The following ATXN10 variants were observed in gnomAD, a reference collection of about 807,000 sequenced individuals.
ATXN10 encodes the protein ataxin 10, also known as ataxin-10.
In ATXN10, 28 loss-of-function variants were observed where a neutral mutation model predicts 52.9. The ratio of observed to expected loss-of-function variants is 0.53; its 90% CI spans 0.39 to 0.73. ATXN10 has a LOEUF of 0.73. Among genes scored for constraint, ATXN10 ranks in the 30% least tolerant of loss-of-function variants. ATXN10 has a pLI of 0.00. For synonymous variants in ATXN10, 226 were observed against 221.5 expected, an observed-to-expected ratio of 1.02 and a Z score of -0.18; for missense variants, 565 against 577.0, an observed-to-expected ratio of 0.98 and a Z score of 0.21.
At chr22:45,807,078 A>C (rs1284810429) in intron 10 of ATXN10, 56 bp downstream of exon 10, 1 of 1,427,534 alleles carries the variant, frequency 7.0e-7, no homozygotes, top group South Asian at 1.1e-5. Context: ...CCTTAGCAAA[A>C]CAAGTCCCTT....
chr22:45,788,938 C>T (rs1483938867), intron 9 of ATXN10, among the ~76,000 whole-genome samples: 1 of 152,152 alleles, frequency 6.6e-6, no homozygotes, highest in African/African-American at 2.4e-5. Flanking sequence ...CATGAGCCAC[C>T]ATGCCCAGCC....
intron 7 of ATXN10, among the ~76,000 whole-genome samples, chr22:45,737,532 C>G (rs570377876): frequency 2.0e-5 from 3 of 151,948 alleles, no homozygotes; most frequent in Non-Finnish European, 4.4e-5. Flanking sequence ...ATTAAAGATC[C>G]AAGACATTAA....
At position 45,693,050 on chromosome 22, in the gene ATXN10, G is replaced by A; in HGVS notation, c.363G>A (p.Leu121=). 1 of 1,614,068 alleles carries A rather than the reference G, an allele frequency of 6.2e-7. No homozygotes were observed. The highest frequency in any genetic ancestry group is 8.5e-7 in the Non-Finnish European group (1 of 1,179,966). ...AVDLILLFRE[L]RVEQESLLTA... ...ATTTGATTCTTCTGTTTCGTGAACTGCGAGTGGAACAGGAATCTCTGTTGA... is the reference window on the plus strand; with the variant it reads ...ATTTGATTCTTCTGTTTCGTGAACTACGAGTGGAACAGGAATCTCTGTTGA... Residue 121 remains leucine, a synonymous_variant, in exon 3 of 12, where the codon CTG becomes CTA. Coordinates refer to ENST00000252934, the MANE Select transcript of ATXN10 (RefSeq NM_013236.4).
intron 10 of ATXN10, among the ~76,000 whole-genome samples, chr22:45,832,998 C>T (rs1929042501): frequency 6.6e-6 from 1 of 152,144 alleles, no homozygotes; most frequent in Non-Finnish European, 1.5e-5. Context: ...GAAGGTTGTC[C>T]TGACTTTAAA....
intron 9 of ATXN10, among the ~76,000 whole-genome samples, chr22:45,746,925 T>C (rs975648001): frequency 2.6e-5 from 4 of 152,200 alleles, no homozygotes; most frequent in African/African-American, 7.2e-5. Context: ...GTGATACACA[T>C]ACGTAAACTG....
At position 45,795,664 on chromosome 22, in the gene ATXN10, T is replaced by C. The variant is rs1293260604; in HGVS notation, c.1174-11295T>C. ...TGAAGCCATGGCAGAAGAACATAAATTGTTAAGATTTCATGGACATTTATT... is the reference window on the plus strand; with the variant it reads ...TGAAGCCATGGCAGAAGAACATAAACTGTTAAGATTTCATGGACATTTATT... On this transcript the variant is annotated intron_variant, in intron 9 of 11. Transcript: ENST00000252934. The surrounding 1 kb of genome is among the most constrained non-coding windows in gnomAD (Gnocchi z 4.6). 6.6e-6 allele frequency among the ~76,000 whole-genome samples: 1 copy of C among 152,142 alleles called. No individual in the cohort carries two copies.
intron 3 of ATXN10, among the ~76,000 whole-genome samples, 185 bp from the exon 4 acceptor site, chr22:45,700,097 C>T (rs1923782406): frequency 6.6e-6 from 1 of 152,210 alleles, no homozygotes; most frequent in South Asian, 2.1e-4. Flanking sequence ...CAGGCGTGAG[C>T]CGCCGCTCCC....
rs1311366328 is a variant in ATXN10, at chr22:45,825,314, C to A, written c.1238-17677C>A. 6.6e-6 allele frequency among the ~76,000 whole-genome samples: 1 copy of A among 152,106 alleles called. No individual in the cohort carries two copies. Among genetic ancestry groups the A allele is most frequent in the African/African-American group, 2.4e-5 (1 of 41,402 alleles). On this transcript the variant is annotated intron_variant, in intron 10 of 11. Transcript: ENST00000252934. The surrounding 1 kb of genome is among the most constrained non-coding windows in gnomAD (Gnocchi z 4.5). Reference sequence around the variant, plus strand: ...ATTTAAAAGGCCAGCACCCTTTTTCCCTCTTCCCTTTATTTTTCTTTTGCA... The same window carrying A: ...ATTTAAAAGGCCAGCACCCTTTTTCACTCTTCCCTTTATTTTTCTTTTGCA...
Position 45,738,801 on chromosome 22 carries a change from A to G in ATXN10, c.965A>G (p.Tyr322Cys). ...ACTGTGAATACTGAGCTGCTCGGCT[A>G]TCTGCAGGTTTTCCCTGGCTTGCTG... is the stretch of plus-strand genomic sequence containing the variant. ...EMTVNTELLG[Y>C]LQVFPGLLER... Residue 322 changes from tyrosine (Y) to cysteine (C), a missense_variant, in exon 8 of 12, where the codon TAT (tyrosine) becomes TGT (cysteine). Coordinates refer to ENST00000252934, the MANE Select transcript of ATXN10 (RefSeq NM_013236.4). 7.4e-6 allele frequency: 12 copies of G among 1,614,162 alleles called. No homozygotes were observed. The highest frequency in any genetic ancestry group is 9.3e-6 in the Non-Finnish European group (11 of 1,179,990).
intron 3 of ATXN10, among the ~76,000 whole-genome samples, chr22:45,697,018 TTTAA>T (rs952279500): frequency 2.0e-5 from 3 of 152,212 alleles, no homozygotes; most frequent in East Asian, 1.9e-4. Flanking sequence ...TTTGTATGAG[TTTAA>T]TTGTTTTTTA....
At position 45,744,518 on chromosome 22, in the gene ATXN10, C is replaced by G. The variant is rs1925654409; in HGVS notation, c.1173+3980C>G. 6.6e-6 allele frequency: 1 copy of G among 152,190 alleles called. No individual in the cohort carries two copies. The highest frequency in any genetic ancestry group is 1.9e-4 in the East Asian group (1 of 5,186). 9.4% of individuals were successfully genotyped at this position (152,190 alleles called of 1,614,324 possible). A position where few individuals can be genotyped will look rare whatever the true frequency, so the allele number is the denominator to read the frequency against. Reference sequence around the variant, plus strand: ...AAATGAAGAAACCAAGGCCCCGAGACCAAGTGTGATTTAACTCAGCTAGCA... The same window carrying G: ...AAATGAAGAAACCAAGGCCCCGAGAGCAAGTGTGATTTAACTCAGCTAGCA... On this transcript the variant is annotated intron_variant, in intron 9 of 11. Transcript: ENST00000252934. The surrounding 1 kb of genome is among the most constrained non-coding windows in gnomAD (Gnocchi z 4.9).
At chr22:45,723,820 G>A (rs1451336526) in intron 6 of ATXN10, among the ~76,000 whole-genome samples, 2 of 152,048 alleles carry the variant, frequency 1.3e-5, no homozygotes, top group South Asian at 2.1e-4. Context: ...GCCAGGCGTG[G>A]TGGCGCTTGC....
intron 9 of ATXN10, among the ~76,000 whole-genome samples, chr22:45,771,060 A>G (rs371339674): frequency 6.6e-6 from 1 of 152,166 alleles, no homozygotes; most frequent in Non-Finnish European, 1.5e-5. Flanking sequence ...AAAATTAAAC[A>G]TACTGTCACA....
rs1926484687 is a variant in ATXN10 at position 45,763,836 on chromosome 22, G to A, written c.1173+23298G>A. Among the ~76,000 whole-genome samples the A allele has an allele frequency of 6.6e-6, 1 of 152,172 alleles. No homozygotes were observed. Among genetic ancestry groups the A allele is most frequent in the Non-Finnish European group, 1.5e-5 (1 of 68,030 alleles). The stretch of plus-strand genomic sequence containing the variant: ...AACAGCATAGCATGGTGGTGGAGTG[G>A]GCTCACTGAGTGAGCTGGTGAGCAT... On this transcript the variant is annotated intron_variant, in intron 9 of 11. Coordinates refer to ENST00000252934, the MANE Select transcript of ATXN10 (RefSeq NM_013236.4). This position sits in a 1 kb window ranked among gnomAD's most constrained non-coding sequence, Gnocchi z 6.9.
rs1480801126 is a variant in ATXN10, at chr22:45,795,506, G to A, written c.1174-11453G>A. On this transcript the variant is annotated intron_variant, in intron 9 of 11. Transcript: ENST00000252934. This position sits in a 1 kb window ranked among gnomAD's most constrained non-coding sequence, Gnocchi z 4.6. ...GCTCACTGCAACCTCTGCCTACCAG[G>A]TTCAAGCAATTCTCCTGCCTCAGCC... Among the ~76,000 whole-genome samples, 1 of 151,932 alleles carries A rather than the reference G, an allele frequency of 6.6e-6. No individual in the cohort carries two copies. Among genetic ancestry groups the A allele is most frequent in the East Asian group, 1.9e-4 (1 of 5,178 alleles).
Position 45,705,025 on chromosome 22 carries a change from C to T in ATXN10, c.647+2178C>T, listed in dbSNP as rs1395544720. On this transcript the variant is annotated intron_variant, in intron 5 of 11. Transcript: ENST00000252934. This position sits in a 1 kb window ranked among gnomAD's most constrained non-coding sequence, Gnocchi z 5.2. ...TATATTTTGTGTCTGTTGAGATAGT[C>T]ATATGGCTTTGTCTTTTAGTCTATT... Among the ~76,000 whole-genome samples the T allele has an allele frequency of 1.3e-5, 2 of 152,166 alleles. No homozygotes were observed. The highest frequency in any genetic ancestry group is 2.9e-5 in the Non-Finnish European group (2 of 68,026).
At position 45,840,274 on chromosome 22, in the gene ATXN10, C is replaced by T. The variant is rs964718662; in HGVS notation, c.1238-2717C>T. The stretch of plus-strand genomic sequence containing the variant: ...GTCAATTAGATGGGGCTCCTGCCCT[C>T]GAGGAACTCACAGACTCATAAGCAG... On this transcript the variant is annotated intron_variant, in intron 10 of 11. Transcript: ENST00000252934. The surrounding 1 kb of genome is among the most constrained non-coding windows in gnomAD (Gnocchi z 5.8). Among the ~76,000 whole-genome samples, 9 of 151,982 alleles carry T rather than the reference C, an allele frequency of 5.9e-5. No homozygotes were observed. Among genetic ancestry groups the T allele is most frequent in the South Asian group, 2.1e-4 (1 of 4,822 alleles).
In ATXN10 at chr22:45,789,269, C is replaced by T. The variant is rs1402570902; in HGVS notation, c.1174-17690C>T. ...GTATTTTTAGTTATTAATTTACTCA[C>T]CTGCCTCCCCCTGGCTAAGTTTCAT... On this transcript the variant is annotated intron_variant, in intron 9 of 11. Transcript: ENST00000252934. This position sits in a 1 kb window ranked among gnomAD's most constrained non-coding sequence, Gnocchi z 4.0. 1.3e-5 allele frequency among the ~76,000 whole-genome samples: 2 copies of T among 152,220 alleles called. No homozygotes were observed. Among genetic ancestry groups the T allele is most frequent in the Admixed American group, 6.5e-5 (1 of 15,290 alleles).
intron 9 of ATXN10, among the ~76,000 whole-genome samples, chr22:45,748,758 C>T (rs1925834781): frequency 6.6e-6 from 1 of 152,186 alleles, no homozygotes; most frequent in Non-Finnish European, 1.5e-5. Context: ...TAGAATTCCA[C>T]TTCTTTGTAA....
Sources: gnomAD v4.1 joint callset for allele counts (sites outside exome capture counted in the v4.1 genomes callset) on GRCh38, gnomAD v4.1.1 for gene constraint, Gnocchi (gnomAD v3.1) non-coding constraint, MANE v1.5 for transcripts, NCBI Gene and HGNC (gene_info 2026-07-23, HGNC 2026-07-21) for gene names.